PTPRM: variants seen among roughly 807,000 people sequenced by gnomAD.
PTPRM encodes protein tyrosine phosphatase receptor type M.
A neutral mutation model predicts 186.7 loss-of-function variants in PTPRM; 47 were observed. That is an observed-to-expected ratio of 0.25 (90% CI 0.20 to 0.32). PTPRM has a LOEUF of 0.32. PTPRM is among the 10% of genes least tolerant of loss of function. The pLI is 1.00. For synonymous variants in PTPRM, 668 were observed against 674.9 expected (o/e 0.99, Z 0.16); for missense variants, 1,494 against 1,865.0 (o/e 0.80, Z 3.66).
intron 1 of PTPRM, among the ~76,000 whole-genome samples, chr18:7,757,419 G>T (rs576517212): frequency 4.6e-5 from 7 of 152,316 alleles, no homozygotes; most frequent in African/African-American, 1.4e-4. Flanking sequence ...ATACTTTTGA[G>T]TGTTCTCTAA....
intron 2 of PTPRM, among the ~76,000 whole-genome samples, chr18:7,845,890 G>A (rs985587551): frequency 6.6e-6 from 1 of 152,018 alleles, no homozygotes; most frequent in South Asian, 2.1e-4. Flanking sequence ...GGAGGGAAGG[G>A]AAGGAAGCAG....
chr18:7,746,243 G>GA (rs35420211), intron 1 of PTPRM, among the ~76,000 whole-genome samples: 85,662 of 151,428 alleles, frequency 0.57, 25,146 homozygotes, highest in East Asian at 0.98. Context: ...AGAACAGCCA[G>GA]AAAAAAAAGA....
intron 1 of PTPRM, among the ~76,000 whole-genome samples, chr18:7,660,692 C>T (rs114001873): frequency 0.011 from 1,745 of 152,250 alleles, 35 homozygotes; most frequent in African/African-American, 0.04. Flanking sequence ...CTCTTGAGAC[C>T]ATCACAGCCT....
intron 13 of PTPRM, among the ~76,000 whole-genome samples, chr18:8,133,117 A>T (rs1487902013): frequency 2.0e-5 from 3 of 152,124 alleles, no homozygotes; most frequent in African/African-American, 7.2e-5. Flanking sequence ...TCAGAAACCC[A>T]CTTCCACAAT....
chr18:7,776,415 T>C (rs1488445952), intron 2 of PTPRM, among the ~76,000 whole-genome samples: 1 of 152,230 alleles, frequency 6.6e-6, no homozygotes, highest in East Asian at 1.9e-4. Flanking sequence ...CTTATGTGCA[T>C]GGGTGCAGCT....
At chr18:8,047,069 T>G (rs2087115638) in intron 7 of PTPRM, among the ~76,000 whole-genome samples, 1 of 152,226 alleles carries the variant, frequency 6.6e-6, no homozygotes, top group Admixed American at 6.5e-5. Context: ...TGAACGAAAC[T>G]AAGACTTTTT....
At chr18:7,601,867 C>T (rs2037411684) in intron 1 of PTPRM, among the ~76,000 whole-genome samples, 1 of 152,050 alleles carries the variant, frequency 6.6e-6, no homozygotes, top group Admixed American at 6.5e-5. Context: ...TAATCTTGTG[C>T]CATTTAATTT....
chr18:8,018,547 G>A (rs573285525), intron 7 of PTPRM, among the ~76,000 whole-genome samples: 67 of 152,120 alleles, frequency 4.4e-4, no homozygotes, highest in African/African-American at 1.6e-3. Context: ...TTTAAGGAAA[G>A]GAAAAATAAT....
chr18:8,020,759 A>G (rs1037934228), intron 7 of PTPRM, among the ~76,000 whole-genome samples: 2 of 152,116 alleles, frequency 1.3e-5, no homozygotes, highest in Non-Finnish European at 2.9e-5. Flanking sequence ...TTCATTGGTG[A>G]TAATGAAAGA....
Position 8,113,537 on chromosome 18 carries a change from G to T in PTPRM, c.1908G>T (p.Thr636=), listed in dbSNP as rs776894602. The T allele has an allele frequency of 6.2e-7, 1 of 1,613,730 alleles. No individual in the cohort carries two copies. Among genetic ancestry groups the T allele is most frequent in the Non-Finnish European group, 8.5e-7 (1 of 1,179,672 alleles). Residue 636 remains threonine, a synonymous_variant, in exon 12 of 33, where the codon ACG becomes ACT. Coordinates refer to ENST00000580170, the MANE Select transcript of PTPRM (RefSeq NM_001105244.2). ...EEERPRRTKK[T]TEILKCYPVP... is the part of the protein sequence containing the mutation. The stretch of plus-strand genomic sequence containing the variant: ...AACGTCCTCGAAGAACTAAAAAGAC[G>T]ACAGAAATCTTAAAGTGCTACCCAG...
rs138680003 is a variant in PTPRM at position 8,129,166 on chromosome 18, G to T, written c.2167+14339G>T. 3.6e-3 allele frequency among the ~76,000 whole-genome samples: 551 copies of T among 152,188 alleles called. 3 individuals are homozygous for T. Among genetic ancestry groups the T allele is most frequent in the African/African-American group, 0.013 (532 of 41,544 alleles). On this transcript the variant is annotated intron_variant, in intron 13 of 32. Coordinates refer to ENST00000580170, the MANE Select transcript of PTPRM (RefSeq NM_001105244.2). The stretch of plus-strand genomic sequence containing the variant: ...GTTTAAAAAACACTTGAAGATTTTT[G>T]CATGAAAGATTTTATATTGATAGTG...
intron 7 of PTPRM, among the ~76,000 whole-genome samples, chr18:7,988,603 AT>A (rs1160400256): frequency 6.6e-6 from 1 of 151,886 alleles, no homozygotes; most frequent in Non-Finnish European, 1.5e-5. Flanking sequence ...CTTTTATTCT[AT>A]TTTCTTTCTC....
chr18:7,675,738 ATT>A (rs112150765), intron 1 of PTPRM, among the ~76,000 whole-genome samples: 7 of 141,822 alleles, frequency 4.9e-5, no homozygotes, highest in African/African-American at 5.2e-5. Flanking sequence ...TTCATTCAGC[ATT>A]TTTTTTTTTT....
intron 2 of PTPRM, among the ~76,000 whole-genome samples, chr18:7,812,893 C>T (rs1476679272): frequency 1.3e-5 from 2 of 152,142 alleles, no homozygotes; most frequent in East Asian, 3.9e-4. Flanking sequence ...CGCAGAGGTG[C>T]TGGGTGGATC....
chr18:7,922,347 C>G (rs1480633583), intron 4 of PTPRM, among the ~76,000 whole-genome samples: 2 of 152,294 alleles, frequency 1.3e-5, no homozygotes, highest in East Asian at 1.9e-4. Flanking sequence ...CCTGCTGCCC[C>G]GTACCTTTTT....
At chr18:8,140,469 T>C (rs2092739882) in intron 13 of PTPRM, among the ~76,000 whole-genome samples, 1 of 134,838 alleles carries the variant, frequency 7.4e-6, no homozygotes. Context: ...GTTTGTTTGT[T>C]TTACATACTA....
chr18:8,345,632 G>A (rs1431842680), intron 23 of PTPRM, among the ~76,000 whole-genome samples: 3 of 151,322 alleles, frequency 2.0e-5, no homozygotes, highest in Non-Finnish European at 4.4e-5. Flanking sequence ...TTCAAATGTT[G>A]TAAATGTTAA....
chr18:8,121,095 TGTTA>T (rs2092155251), intron 13 of PTPRM, among the ~76,000 whole-genome samples: 1 of 152,222 alleles, frequency 6.6e-6, no homozygotes, highest in Non-Finnish European at 1.5e-5. Context: ...CTGACCAAAC[TGTTA>T]GTTTGTTAAT....
intron 11 of PTPRM, among the ~76,000 whole-genome samples, chr18:8,112,031 T>A (rs1490693883): frequency 6.6e-6 from 1 of 152,232 alleles, no homozygotes; most frequent in Admixed American, 6.5e-5. Context: ...TTACCTTTAC[T>A]ACTGTATGAA....
Sources: gnomAD v4.1 joint callset for allele counts (sites outside exome capture counted in the v4.1 genomes callset) on GRCh38, gnomAD v4.1.1 for gene constraint, MANE v1.5 for transcripts, NCBI Gene and HGNC (gene_info 2026-07-23, HGNC 2026-07-21) for gene names.